The following SGCZ variants were observed in gnomAD, a reference collection of about 807,000 sequenced individuals.
SGCZ encodes the protein sarcoglycan zeta.
SGCZ carries 40 observed loss-of-function variants against 41.3 expected under a neutral mutation model. The observed-to-expected ratio is 0.97, with a 90% confidence interval of 0.75 to 1.26. SGCZ has a LOEUF of 1.26. SGCZ is among the 50% of genes most tolerant of loss of function. The pLI, the probability that SGCZ is intolerant of heterozygous loss-of-function variation, is 0.00. For synonymous variants in SGCZ, 206 were observed against 137.5 expected, an observed-to-expected ratio of 1.50 and a Z score of -3.49; for missense variants, 552 against 369.8, an observed-to-expected ratio of 1.49 and a Z score of -4.04.
At chr8:14,845,180 T>C (rs573531656) in intron 1 of SGCZ, among the ~76,000 whole-genome samples, 1 of 152,232 alleles carries the variant, frequency 6.6e-6, no homozygotes, top group South Asian at 2.1e-4. Flanking sequence ...GGCTAAGAAA[T>C]GGTGCCTATT....
chr8:14,716,379 G>A (rs1442277324), intron 1 of SGCZ, among the ~76,000 whole-genome samples: 2 of 151,888 alleles, frequency 1.3e-5, no homozygotes, highest in African/African-American at 4.8e-5. Flanking sequence ...ACTGTAAAAT[G>A]TTATGTTTAA....
intron 3 of SGCZ, among the ~76,000 whole-genome samples, chr8:14,283,159 T>C (rs1800507655): frequency 6.8e-6 from 1 of 147,670 alleles, no homozygotes; most frequent in Admixed American, 6.8e-5. Context: ...TCAAATACTT[T>C]TAACCAGCTC....
At chr8:14,903,201 A>C (rs1799023733) in intron 1 of SGCZ, among the ~76,000 whole-genome samples, 1 of 152,240 alleles carries the variant, frequency 6.6e-6, no homozygotes, top group South Asian at 2.1e-4. Flanking sequence ...AAGACACAGA[A>C]CTGAAATTTC....
At chr8:14,095,506 C>A (rs10112987) in intron 7 of SGCZ, among the ~76,000 whole-genome samples, 1 of 151,918 alleles carries the variant, frequency 6.6e-6, no homozygotes, top group Non-Finnish European at 1.5e-5. Context: ...GTTACTGTAG[C>A]CTTGTAGTAA....
intron 1 of SGCZ, among the ~76,000 whole-genome samples, chr8:15,092,730 T>C (rs1455233462): frequency 6.6e-6 from 1 of 152,224 alleles, no homozygotes; most frequent in Non-Finnish European, 1.5e-5. Flanking sequence ...TTTCACAATC[T>C]TATTTTAATA....
chr8:14,942,755 G>A (rs774303851), intron 1 of SGCZ, among the ~76,000 whole-genome samples: 1 of 152,024 alleles, frequency 6.6e-6, no homozygotes, highest in African/African-American at 2.4e-5. Context: ...GTGTTGCCAT[G>A]TTGAGAACCA....
intron 1 of SGCZ, among the ~76,000 whole-genome samples, chr8:14,877,452 C>G (rs1158081628): frequency 1.3e-5 from 2 of 152,258 alleles, no homozygotes; most frequent in Non-Finnish European, 2.9e-5. Flanking sequence ...GAAAATCCAA[C>G]TGCTTCTAAA....
At chr8:14,166,412 A>G (rs1804212311) in intron 4 of SGCZ, among the ~76,000 whole-genome samples, 2 of 152,164 alleles carry the variant, frequency 1.3e-5, no homozygotes, top group Admixed American at 6.5e-5. Context: ...ACAATGAGCC[A>G]TAGTAATCCA....
At chr8:14,340,879 CCATCTT>C (rs1259318291) in intron 2 of SGCZ, among the ~76,000 whole-genome samples, 1 of 152,064 alleles carries the variant, frequency 6.6e-6, no homozygotes, top group Admixed American at 6.6e-5. Flanking sequence ...TCATCACTCT[CCATCTT>C]AAGAAATTTT....
intron 1 of SGCZ, among the ~76,000 whole-genome samples, chr8:14,910,812 C>T (rs1037084130): frequency 3.3e-5 from 5 of 151,960 alleles, no homozygotes; most frequent in African/African-American, 1.2e-4. Context: ...TTCAGCTTGG[C>T]TTATATTGTA....
chr8:14,715,949 C>T (rs1475792959), intron 1 of SGCZ, among the ~76,000 whole-genome samples: 1 of 151,994 alleles, frequency 6.6e-6, no homozygotes, highest in African/African-American at 2.4e-5. Context: ...GTAAGATAAT[C>T]CACTCACTAG....
At chr8:14,339,554 A>G (rs1311927654) in intron 2 of SGCZ, among the ~76,000 whole-genome samples, 2 of 152,176 alleles carry the variant, frequency 1.3e-5, no homozygotes, top group Non-Finnish European at 2.9e-5. Context: ...ATCAGTTGCC[A>G]TATCCTATGA....
chr8:14,310,153 T>A (rs1247834464), intron 3 of SGCZ, among the ~76,000 whole-genome samples: 1 of 152,168 alleles, frequency 6.6e-6, no homozygotes, highest in Non-Finnish European at 1.5e-5. Context: ...AGCATTGTCT[T>A]TGCTGTACTC....
At chr8:14,952,390 G>C (rs756672275) in intron 1 of SGCZ, among the ~76,000 whole-genome samples, 19 of 151,906 alleles carry the variant, frequency 1.3e-4, no homozygotes, top group Non-Finnish European at 2.1e-4. Context: ...ACATAGGTCT[G>C]TTACATGGCT....
intron 2 of SGCZ, among the ~76,000 whole-genome samples, chr8:14,474,693 TG>T (rs1313472121): frequency 1.3e-5 from 2 of 152,206 alleles, no homozygotes; most frequent in Non-Finnish European, 2.9e-5. Context: ...CAAACAACTT[TG>T]AAACCATACT....
At chr8:15,071,235 A>G (rs1337559595) in intron 1 of SGCZ, among the ~76,000 whole-genome samples, 1 of 152,228 alleles carries the variant, frequency 6.6e-6, no homozygotes, top group Non-Finnish European at 1.5e-5. Context: ...ATAAAATATG[A>G]AAAGAGCATA....
intron 1 of SGCZ, among the ~76,000 whole-genome samples, chr8:14,834,197 C>G (rs1407449416): frequency 2.0e-5 from 3 of 152,002 alleles, no homozygotes; most frequent in African/African-American, 7.2e-5. Context: ...TGTGTCCTTC[C>G]TTAAAGAAAT....
chr8:14,843,181 C>T (rs1240674186), intron 1 of SGCZ, among the ~76,000 whole-genome samples: 1 of 152,040 alleles, frequency 6.6e-6, no homozygotes, highest in Non-Finnish European at 1.5e-5. Context: ...CACTGCACTC[C>T]AGCCTGGGCA....
chr8:14,301,079 A>G (rs1801169593), intron 3 of SGCZ, among the ~76,000 whole-genome samples: 2 of 151,692 alleles, frequency 1.3e-5, no homozygotes, highest in African/African-American at 4.8e-5. Context: ...CATCATCATC[A>G]TCATCATCAT....
Sources: gnomAD v4.1 joint callset for allele counts (sites outside exome capture counted in the v4.1 genomes callset) on GRCh38, gnomAD v4.1.1 for gene constraint, MANE v1.5 for transcripts, NCBI Gene and HGNC (gene_info 2026-07-23, HGNC 2026-07-21) for gene names.